Variants in SMYD3 observed in about 807,000 individuals in gnomAD.
The protein encoded by SMYD3 is SET and MYND domain containing 3.
Under a neutral mutation model 57.7 loss-of-function variants are expected in SMYD3, and 36 were observed. The ratio of observed to expected loss-of-function variants is 0.62; its 90% CI spans 0.48 to 0.82. The LOEUF is 0.82. Among genes scored for constraint, SMYD3 ranks in the 40% least tolerant of loss-of-function variants. The pLI is 0.00. For missense variants in SMYD3, 515 were observed against 538.8 expected (o/e 0.96, Z 0.44); for synonymous variants, 211 against 195.0 (o/e 1.08, Z -0.68).
chr1:245,753,022 A>G (rs974523075), intron 11 of SMYD3, among the ~76,000 whole-genome samples: 12 of 152,160 alleles, frequency 7.9e-5, no homozygotes, highest in Middle Eastern at 3.2e-3. Flanking sequence ...CTGCAGAGAT[A>G]CCCTGAGGGG....
rs201426225 is a variant in SMYD3, at chr1:245,812,700, C to CA, written c.1076+45795_1076+45796insT. ...AAATTCTTACTTCTAAACAACAGTTCCAAAAAAAAAAAAAAAGAGAAAGAG... is the reference window on the plus strand; with the variant it reads ...AAATTCTTACTTCTAAACAACAGTTCACAAAAAAAAAAAAAAAGAGAAAGAG... On this transcript the variant is annotated intron_variant, in intron 10 of 11. Transcript: ENST00000490107. 1.4e-3 allele frequency among the ~76,000 whole-genome samples: 63 copies of CA among 46,596 alleles called. 1 individual carries two copies. Among genetic ancestry groups the CA allele is most frequent in the African/African-American group, 2.1e-3 (37 of 17,964 alleles). 30.6% of individuals were successfully genotyped at this position (46,596 alleles called of 152,430 possible). A position where few individuals can be genotyped will look rare whatever the true frequency, so the allele number is the denominator to read the frequency against.
chr1:246,124,922 A>T (rs1343778825), intron 5 of SMYD3, among the ~76,000 whole-genome samples: 1 of 152,094 alleles, frequency 6.6e-6, no homozygotes, highest in East Asian at 1.9e-4. Context: ...ACAAAAAAAA[A>T]TTAGCCGGGC....
intron 10 of SMYD3, among the ~76,000 whole-genome samples, chr1:245,775,724 A>T (rs546961121): frequency 1.1e-3 from 151 of 143,670 alleles, no homozygotes; most frequent in Admixed American, 2.8e-3. Context: ...CTAAAAAAAA[A>T]AAAAAATAAA....
chr1:246,096,161 T>C (rs2060910688), intron 5 of SMYD3: 1 of 152,242 alleles, frequency 6.6e-6, no homozygotes. Flanking sequence ...AAGCATCCTC[T>C]GTTTAATAAA....
At chr1:246,373,791 CT>C (rs1181355129) in intron 1 of SMYD3, among the ~76,000 whole-genome samples, 1 of 152,070 alleles carries the variant, frequency 6.6e-6, no homozygotes, top group Non-Finnish European at 1.5e-5. Context: ...AAACTTTATT[CT>C]TTTATATTAA....
chr1:246,004,584 G>A (rs1342461533), intron 5 of SMYD3, among the ~76,000 whole-genome samples: 1 of 152,204 alleles, frequency 6.6e-6, no homozygotes, highest in African/African-American at 2.4e-5. Flanking sequence ...TTTCCAGGCT[G>A]GCTCCCTCAC....
rs116008009 is a variant in SMYD3 at position 245,759,355 on chromosome 1, T to A, written c.1185+4686A>T. On this transcript the variant is annotated intron_variant, in intron 11 of 11. Coordinates refer to ENST00000490107, the MANE Select transcript of SMYD3 (RefSeq NM_001167740.2). ...ACGGTAACGTATGATGTTAAGTGTTTAGAGGAGGGCTTTTTAACCTAGGCA... is the reference window on the plus strand; with the variant it reads ...ACGGTAACGTATGATGTTAAGTGTTAAGAGGAGGGCTTTTTAACCTAGGCA... 2.8e-3 allele frequency among the ~76,000 whole-genome samples: 419 copies of A among 152,234 alleles called. 2 individuals carry two copies. The highest frequency in any genetic ancestry group is 5.4e-3 in the Admixed American group (82 of 15,292).
intron 5 of SMYD3, among the ~76,000 whole-genome samples, chr1:246,076,496 A>T (rs1000202427): frequency 1.0e-4 from 13 of 126,130 alleles, no homozygotes; most frequent in African/African-American, 5.8e-4. Context: ...CTCTGGGTTT[A>T]AAAAAAAATC....
At chr1:246,115,187 C>A (rs1007633441) in intron 5 of SMYD3, among the ~76,000 whole-genome samples, 3 of 152,228 alleles carry the variant, frequency 2.0e-5, no homozygotes, top group Non-Finnish European at 4.4e-5. Context: ...CCACGGAGTA[C>A]TAATCAGCCC....
Position 245,805,832 on chromosome 1 carries a change from A to G in SMYD3, c.1077-41683T>C, listed in dbSNP as rs561457625. Reference sequence around the variant, plus strand: ...TATCTGCTGTCTTACCTGACAAATAAGCCTTCAGAATCCAGGCTTGGGCAC... The same window carrying G: ...TATCTGCTGTCTTACCTGACAAATAGGCCTTCAGAATCCAGGCTTGGGCAC... On this transcript the variant is annotated intron_variant, in intron 10 of 11. Transcript: ENST00000490107. Among the ~76,000 whole-genome samples the G allele has an allele frequency of 2.4e-4, 36 of 152,372 alleles. 1 individual carries two copies. The highest frequency in any genetic ancestry group is 7.9e-4 in the African/African-American group (33 of 41,582).
chr1:246,234,093 GAACATATAC>G (rs1325578730), intron 5 of SMYD3, among the ~76,000 whole-genome samples: 1 of 132,582 alleles, frequency 7.5e-6, no homozygotes, highest in East Asian at 3.3e-4. Context: ...ACACTGTGAT[GAACATATAC>G]CACACAGAGG....
chr1:245,949,684 C>T (rs2057551449), intron 5 of SMYD3, among the ~76,000 whole-genome samples: 1 of 152,122 alleles, frequency 6.6e-6, no homozygotes, highest in South Asian at 2.1e-4. Flanking sequence ...TGGCACACAC[C>T]TGTAGTCCCA....
At chr1:246,354,426 C>G (rs2065879047) in intron 2 of SMYD3, among the ~76,000 whole-genome samples, 1 of 152,090 alleles carries the variant, frequency 6.6e-6, no homozygotes, top group Non-Finnish European at 1.5e-5. Context: ...AAGAATTTAT[C>G]CTACTAATAA....
chr1:245,776,790 T>C (rs1266094464), intron 10 of SMYD3, among the ~76,000 whole-genome samples: 1 of 152,184 alleles, frequency 6.6e-6, no homozygotes, highest in Non-Finnish European at 1.5e-5. Context: ...AGATGCAGAA[T>C]CATGAGAAAG....
intron 8 of SMYD3, among the ~76,000 whole-genome samples, chr1:245,905,156 T>C (rs2054476713): frequency 6.6e-6 from 1 of 151,872 alleles, no homozygotes; most frequent in Admixed American, 6.6e-5. Flanking sequence ...CAGGTGAGAC[T>C]CAGCACATAA....
intron 5 of SMYD3, among the ~76,000 whole-genome samples, chr1:246,258,652 T>C (rs1007228871): frequency 1.4e-4 from 21 of 152,186 alleles, no homozygotes; most frequent in South Asian, 4.1e-4. Flanking sequence ...CTTTAAGATA[T>C]TTTTCTTTAG....
At chr1:245,931,288 T>TA (rs1341733832) in intron 5 of SMYD3, among the ~76,000 whole-genome samples, 6 of 152,110 alleles carry the variant, frequency 3.9e-5, no homozygotes, top group African/African-American at 1.4e-4. Flanking sequence ...ATAGCCCAGG[T>TA]GATAGACAAT....
At chr1:246,218,198 A>T (rs2063194653) in intron 5 of SMYD3, among the ~76,000 whole-genome samples, 1 of 151,830 alleles carries the variant, frequency 6.6e-6, no homozygotes, top group African/African-American at 2.4e-5. Flanking sequence ...ACACATAAAA[A>T]ACTGATTTCA....
At chr1:246,390,340 C>T (rs1222570495) in intron 1 of SMYD3, among the ~76,000 whole-genome samples, 1 of 150,252 alleles carries the variant, frequency 6.7e-6, no homozygotes, top group Non-Finnish European at 1.5e-5. Context: ...TTTACAAATC[C>T]TAAGATTGGC....
Sources: allele counts gnomAD v4.1 joint callset (sites outside exome capture counted in the v4.1 genomes callset), GRCh38; gene constraint gnomAD v4.1.1; transcripts MANE v1.5; gene names NCBI Gene and HGNC (gene_info 2026-07-23, HGNC 2026-07-21).